ELAVL2: variants seen among roughly 807,000 people sequenced by gnomAD.
ELAVL2 encodes ELAV like RNA binding protein 2.
A neutral mutation model predicts 34.6 loss-of-function variants in ELAVL2; 4 were observed. That is an observed-to-expected ratio of 0.12 (90% CI 0.06 to 0.26). The LOEUF is 0.26. Among genes scored for constraint, ELAVL2 ranks in the 10% least tolerant of loss-of-function variants. The probability of loss-of-function intolerance (pLI) is 1.00; values close to 1 mark genes in which losing one functional copy is unlikely to be tolerated. For synonymous variants in ELAVL2, 193 were observed against 154.8 expected, an observed-to-expected ratio of 1.25 and a Z score of -1.83; for missense variants, 432 against 442.8, an observed-to-expected ratio of 0.98 and a Z score of 0.22.
intron 1 of ELAVL2, among the ~76,000 whole-genome samples, chr9:23,786,009 T>C (rs1284242496): frequency 1.4e-5 from 2 of 147,078 alleles, no homozygotes; most frequent in East Asian, 1.9e-4. Context: ...TGGTCTTCAC[T>C]GATGCTACAT....
chr9:23,715,109 C>G (rs1385000024), intron 3 of ELAVL2, among the ~76,000 whole-genome samples: 1 of 152,208 alleles, frequency 6.6e-6, no homozygotes, highest in African/African-American at 2.4e-5. Context: ...GTCCCACCCA[C>G]CAAGTAGGGA....
At chr9:23,850,045 G>A in the ELAVL2 span, 19 of 143,032 alleles carry the variant, frequency 1.3e-4, no homozygotes, top group African/African-American at 4.7e-4. Context: ...TCACCAATCA[G>A]AATTACATTT....
intron 2 of ELAVL2, among the ~76,000 whole-genome samples, chr9:23,751,994 A>C (rs2052184422): frequency 6.6e-6 from 1 of 152,184 alleles, no homozygotes; most frequent in Non-Finnish European, 1.5e-5. Context: ...TAGAAAGCAA[A>C]GGATGGAGGA....
chr9:23,809,530 T>G (rs1044584855), intron 1 of ELAVL2, among the ~76,000 whole-genome samples: 5 of 152,182 alleles, frequency 3.3e-5, no homozygotes, highest in African/African-American at 1.2e-4. Flanking sequence ...AAAATTTCCC[T>G]GTAGAGATTG....
At chr9:23,739,406 C>T (rs1033838905) in intron 2 of ELAVL2, among the ~76,000 whole-genome samples, 3 of 152,134 alleles carry the variant, frequency 2.0e-5, no homozygotes, top group Non-Finnish European at 4.4e-5. Context: ...AAAGTCATAC[C>T]TGACAGTTCA....
At chr9:23,701,282 A>C in intron 5 of ELAVL2, 97 bp downstream of exon 5, 1 of 1,360,306 alleles carries the variant, frequency 7.4e-7, no homozygotes, top group Non-Finnish European at 1.0e-6. Flanking sequence ...CACTGACAAA[A>C]GCAAACCAGA....
chr9:23,727,938 C>T (rs765455207), intron 3 of ELAVL2, among the ~76,000 whole-genome samples: 9 of 152,050 alleles, frequency 5.9e-5, no homozygotes, highest in African/African-American at 1.4e-4. Context: ...TTTTACCAAA[C>T]GCATACTAAA....
intron 3 of ELAVL2, among the ~76,000 whole-genome samples, chr9:23,706,086 T>C (rs1261366601): frequency 6.6e-6 from 1 of 152,184 alleles, no homozygotes; most frequent in Non-Finnish European, 1.5e-5. Context: ...CCTTTGTCTG[T>C]TGTCTTCTCA....
chr9:23,721,668 A>G (rs765050586), intron 3 of ELAVL2, among the ~76,000 whole-genome samples: 2 of 152,168 alleles, frequency 1.3e-5, no homozygotes, highest in Non-Finnish European at 2.9e-5. Context: ...TGCACTTAAT[A>G]TGGGATTTTA....
chr9:23,842,577 T>C, the ELAVL2 span, among the ~76,000 whole-genome samples: 1 of 152,108 alleles, frequency 6.6e-6, no homozygotes, highest in African/African-American at 2.4e-5. Flanking sequence ...TTTTCATATA[T>C]ATAGGAAATT....
intron 1 of ELAVL2, among the ~76,000 whole-genome samples, chr9:23,786,500 T>C (rs951472537): frequency 6.6e-6 from 1 of 151,378 alleles, no homozygotes; most frequent in Non-Finnish European, 1.5e-5. Context: ...CGAGAGTCTC[T>C]TTCACACTTT....
At chr9:23,809,466 A>G (rs2138013475) in intron 1 of ELAVL2, among the ~76,000 whole-genome samples, 1 of 152,260 alleles carries the variant, frequency 6.6e-6, no homozygotes, top group East Asian at 1.9e-4. Flanking sequence ...GTAATATAAA[A>G]ATTGCATATC....
At chr9:23,700,246 T>G (rs1563936714) in intron 5 of ELAVL2, among the ~76,000 whole-genome samples, 1 of 152,178 alleles carries the variant, frequency 6.6e-6, no homozygotes, top group Non-Finnish European at 1.5e-5. Flanking sequence ...TGGGGTTAGA[T>G]AGCATTCTGG....
At chr9:23,717,203 A>C (rs1373404064) in intron 3 of ELAVL2, among the ~76,000 whole-genome samples, 1 of 152,218 alleles carries the variant, frequency 6.6e-6, no homozygotes, top group Non-Finnish European at 1.5e-5. Flanking sequence ...TAGTAATGAA[A>C]ATATAATGAT....
At chr9:23,757,484 G>C (rs760477199) in intron 2 of ELAVL2, among the ~76,000 whole-genome samples, 57 of 152,018 alleles carry the variant, frequency 3.7e-4, no homozygotes, top group Non-Finnish European at 5.9e-4. Flanking sequence ...GGCAAAGAAG[G>C]GAGAGGGTTG....
chr9:23,739,462 T>G (rs2048640187), intron 2 of ELAVL2, among the ~76,000 whole-genome samples: 1 of 152,168 alleles, frequency 6.6e-6, no homozygotes, highest in Non-Finnish European at 1.5e-5. Context: ...CAATCTACTT[T>G]CAATTAAAAG....
chr9:23,800,130 AAAG>A (rs2061409480), intron 1 of ELAVL2, among the ~76,000 whole-genome samples: 1 of 152,220 alleles, frequency 6.6e-6, no homozygotes, highest in African/African-American at 2.4e-5. Flanking sequence ...AAAAATGAGA[AAAG>A]AAAGTAGCTA....
intron 3 of ELAVL2, among the ~76,000 whole-genome samples, chr9:23,727,192 G>C (rs1206232604): frequency 6.6e-6 from 1 of 152,056 alleles, no homozygotes; most frequent in East Asian, 1.9e-4. Flanking sequence ...CATTTCACCA[G>C]CAAGGTATGC....
intron 3 of ELAVL2, among the ~76,000 whole-genome samples, chr9:23,714,962 T>C (rs1172436766): frequency 2.0e-5 from 3 of 152,204 alleles, no homozygotes; most frequent in Non-Finnish European, 4.4e-5. Context: ...CCTTCTTAAA[T>C]ACGGCCAGAG....
Sources: allele counts gnomAD v4.1 joint callset (sites outside exome capture counted in the v4.1 genomes callset), GRCh38; gene constraint gnomAD v4.1.1; transcripts MANE v1.5; gene names NCBI Gene and HGNC (gene_info 2026-07-23, HGNC 2026-07-21).